The following ARL15 variants were observed in gnomAD, a reference collection of about 807,000 sequenced individuals.
ARL15 encodes ADP-ribosylation factor-like protein 15.
In ARL15, 19 loss-of-function variants were observed where a neutral mutation model predicts 25.2. The observed-to-expected ratio is 0.75, with a 90% CI of 0.53 to 1.10. ARL15 has a LOEUF of 1.10. ARL15 is among the 50% of genes least tolerant of loss of function. The pLI is 0.00. For synonymous variants in ARL15, 94 were observed against 86.8 expected (o/e 1.08, Z -0.46); for missense variants, 220 against 246.0 (o/e 0.89, Z 0.71).
intron 3 of ARL15, among the ~76,000 whole-genome samples, chr5:54,151,288 A>G (rs1754062916): frequency 6.6e-6 from 1 of 152,212 alleles, no homozygotes; most frequent in African/African-American, 2.4e-5. Context: ...ATGGCCCACC[A>G]AACCACTGGG....
intron 4 of ARL15, among the ~76,000 whole-genome samples, chr5:54,010,296 A>T (rs1031234881): frequency 6.6e-6 from 1 of 152,250 alleles, no homozygotes; most frequent in African/African-American, 2.4e-5. Context: ...AAGTAAAACA[A>T]GTAGATTGAT....
At chr5:53,941,969 G>T (rs1448733327) in intron 4 of ARL15, among the ~76,000 whole-genome samples, 1 of 152,176 alleles carries the variant, frequency 6.6e-6, no homozygotes, top group Non-Finnish European at 1.5e-5. Context: ...AAGTGGCACA[G>T]TCTGATTTAT....
intron 1 of ARL15, among the ~76,000 whole-genome samples, chr5:54,197,731 G>A (rs1755592706): frequency 1.3e-5 from 2 of 152,072 alleles, no homozygotes; most frequent in South Asian, 4.1e-4. Flanking sequence ...GGAGGAGCTG[G>A]TACCATTCCT....
At position 54,262,339 on chromosome 5, in the gene ARL15, A is replaced by C. The variant is rs142994109; in HGVS notation, c.48+48093T>G. Among the ~76,000 whole-genome samples the C allele has an allele frequency of 2.3e-3, 347 of 152,282 alleles. 3 individuals carry two copies. Among genetic ancestry groups the C allele is most frequent in the African/African-American group, 8.1e-3 (338 of 41,554 alleles). On this transcript the variant is annotated intron_variant, in intron 1 of 4. Coordinates refer to ENST00000504924, the MANE Select transcript of ARL15 (RefSeq NM_019087.3). ...TCAAACTCAATGTTTTTCAGAAGAG[A>C]AGGCCCAGATTATAAAATATTTTAC...
chr5:54,159,673 A>T (rs2112363703), intron 2 of ARL15, among the ~76,000 whole-genome samples: 1 of 152,274 alleles, frequency 6.6e-6, no homozygotes, highest in South Asian at 2.1e-4. Context: ...TTACGCAGTC[A>T]TTTTTTCCTG....
At chr5:54,119,068 C>G (rs1752995171) in intron 3 of ARL15, among the ~76,000 whole-genome samples, 1 of 152,118 alleles carries the variant, frequency 6.6e-6, no homozygotes, top group African/African-American at 2.4e-5. Flanking sequence ...CCTTTATGTT[C>G]TCACTATGGT....
intron 4 of ARL15, among the ~76,000 whole-genome samples, chr5:54,063,075 A>C (rs1399635865): frequency 1.3e-5 from 2 of 152,188 alleles, no homozygotes; most frequent in Admixed American, 6.5e-5. Context: ...TAACTTCAAA[A>C]AGAAATTCTT....
chr5:53,932,791 G>A (rs991942999), intron 4 of ARL15, among the ~76,000 whole-genome samples: 2 of 152,172 alleles, frequency 1.3e-5, no homozygotes, highest in African/African-American at 4.8e-5. Context: ...GCAGGCCAAG[G>A]GAATAGAGAT....
chr5:54,062,513 T>C (rs77703980), intron 4 of ARL15, among the ~76,000 whole-genome samples: 1,986 of 143,992 alleles, frequency 0.014, 13 homozygotes, highest in Admixed American at 0.019. Context: ...ATTTGGTGGT[T>C]AAGGAAAAAA....
intron 1 of ARL15, among the ~76,000 whole-genome samples, chr5:54,253,383 A>G (rs1579954009): frequency 6.6e-6 from 1 of 152,134 alleles, no homozygotes; most frequent in Non-Finnish European, 1.5e-5. Flanking sequence ...AGTAATCAAC[A>G]TGTAACCCCA....
intron 4 of ARL15, among the ~76,000 whole-genome samples, chr5:54,016,627 C>G (rs1043863255): frequency 1.5e-4 from 23 of 152,320 alleles, no homozygotes; most frequent in African/African-American, 5.5e-4. Context: ...GTTGCAAACA[C>G]AGTAAAATTG....
At chr5:54,209,977 C>T (rs1030965395) in intron 1 of ARL15, among the ~76,000 whole-genome samples, 3 of 152,032 alleles carry the variant, frequency 2.0e-5, no homozygotes, top group African/African-American at 4.8e-5. Flanking sequence ...AACAGAAGAG[C>T]TAAGGAGTTC....
chr5:54,205,519 C>G (rs1755844697), intron 1 of ARL15, among the ~76,000 whole-genome samples: 1 of 152,198 alleles, frequency 6.6e-6, no homozygotes, highest in South Asian at 2.1e-4. Context: ...TCCTTACTGG[C>G]TGGCCCATCT....
chr5:53,992,847 G>T (rs1488905040), intron 4 of ARL15, among the ~76,000 whole-genome samples: 1 of 152,152 alleles, frequency 6.6e-6, no homozygotes, highest in Non-Finnish European at 1.5e-5. Context: ...GGGAGTTTGA[G>T]ACCAGCCAGA....
chr5:53,964,345 CTATTT>C (rs1289191476), intron 4 of ARL15, among the ~76,000 whole-genome samples: 3 of 151,970 alleles, frequency 2.0e-5, no homozygotes, highest in African/African-American at 7.3e-5. Flanking sequence ...TATACTGGTT[CTATTT>C]TATTTTATTT....
intron 1 of ARL15, among the ~76,000 whole-genome samples, chr5:54,295,567 A>G (rs1441223517): frequency 6.6e-6 from 1 of 152,200 alleles, no homozygotes; most frequent in Admixed American, 6.5e-5. Context: ...CCTTTAAAAC[A>G]CACATAGAAA....
chr5:54,219,197 A>G (rs1756303978), intron 1 of ARL15, among the ~76,000 whole-genome samples: 1 of 152,182 alleles, frequency 6.6e-6, no homozygotes, highest in Non-Finnish European at 1.5e-5. Flanking sequence ...CTATTAAAAT[A>G]AGGTTGGCCA....
intron 1 of ARL15, among the ~76,000 whole-genome samples, chr5:54,226,721 T>C (rs1756527653): frequency 6.6e-6 from 1 of 152,266 alleles, no homozygotes. Context: ...ACCATTTATA[T>C]GTCTTCAACT....
chr5:53,973,251 A>G (rs553430416), intron 4 of ARL15, among the ~76,000 whole-genome samples: 2 of 152,276 alleles, frequency 1.3e-5, no homozygotes, highest in South Asian at 4.1e-4. Flanking sequence ...GCCTTGGCAA[A>G]ATAGTGAAGC....
Sources: allele counts gnomAD v4.1 joint callset (sites outside exome capture counted in the v4.1 genomes callset), GRCh38; gene constraint gnomAD v4.1.1; transcripts MANE v1.5; gene names NCBI Gene and HGNC (gene_info 2026-07-23, HGNC 2026-07-21).